BCR: variants seen among roughly 807,000 people sequenced by gnomAD.
The protein encoded by BCR is breakpoint cluster region protein.
Under a neutral mutation model 138.6 loss-of-function variants are expected in BCR, and 58 were observed. The ratio of observed to expected loss-of-function variants is 0.42; its 90% CI spans 0.34 to 0.52. BCR has a LOEUF of 0.52. Ranked by LOEUF, BCR falls within the 20% of genes least tolerant of loss-of-function variation. The pLI is 0.06. For synonymous variants in BCR, 786 were observed against 730.1 expected (o/e 1.08, Z -1.23); for missense variants, 1,599 against 1,727.2 (o/e 0.93, Z 1.32).
intron 1 of BCR, among the ~76,000 whole-genome samples, chr22:23,215,937 A>G (rs2072746800): frequency 6.6e-6 from 1 of 152,162 alleles, no homozygotes; most frequent in Non-Finnish European, 1.5e-5. Context: ...AACATGGGTC[A>G]TTTTCTAGAA....
intron 14 of BCR, among the ~76,000 whole-genome samples, chr22:23,291,984 C>T (rs868388675): frequency 1.1e-4 from 17 of 152,188 alleles, no homozygotes; most frequent in African/African-American, 4.1e-4. Flanking sequence ...CAACTTACCG[C>T]CCACAGCCCA....
At chr22:23,215,676 A>G (rs116593140) in intron 1 of BCR, among the ~76,000 whole-genome samples, 164 of 152,312 alleles carry the variant, frequency 1.1e-3, no homozygotes, top group African/African-American at 3.6e-3. Flanking sequence ...ACAGTCAGTG[A>G]TGAAGGCAGA....
intron 16 of BCR, among the ~76,000 whole-genome samples, chr22:23,307,270 G>GA (rs760925673): frequency 2.1e-5 from 3 of 145,546 alleles, no homozygotes; most frequent in Non-Finnish European, 3.1e-5. Context: ...TAATGCTTTT[G>GA]AAAATTTTTT....
At chr22:23,269,535 G>A (rs1195463839) in intron 5 of BCR, among the ~76,000 whole-genome samples, 2 of 152,170 alleles carry the variant, frequency 1.3e-5, no homozygotes, top group African/African-American at 4.8e-5. Flanking sequence ...GTTTATCACC[G>A]GATGGAGCAT....
chr22:23,271,731 T>A, intron 6 of BCR, 139 bp downstream of exon 6: 1 of 800,060 alleles, frequency 1.2e-6, no homozygotes, highest in Non-Finnish European at 2.0e-6. Context: ...TCAGATAGAG[T>A]GGGCACGAGG....
chr22:23,189,789 C>T (rs1007433192), intron 1 of BCR, among the ~76,000 whole-genome samples: 7 of 152,022 alleles, frequency 4.6e-5, no homozygotes, highest in African/African-American at 1.7e-4. Context: ...CATGAGCCAC[C>T]GCTCCTAGCC....
At position 23,186,627 on chromosome 22, in the gene BCR, A is replaced by G. The variant is rs60335594; in HGVS notation, c.1279+4388A>G. Among the ~76,000 whole-genome samples the G allele has an allele frequency of 2.0e-3, 307 of 152,310 alleles. 1 individual carries two copies. The highest frequency in any genetic ancestry group is 4.9e-3 in the African/African-American group (204 of 41,564). ...TCAGCTATTATAGATACCTCATGTAAGTCCAGTCCTGTGGCATTCGTCTTT... is the reference window on the plus strand; with the variant it reads ...TCAGCTATTATAGATACCTCATGTAGGTCCAGTCCTGTGGCATTCGTCTTT... On this transcript the variant is annotated intron_variant, in intron 1 of 22. Coordinates refer to ENST00000305877, the MANE Select transcript of BCR (RefSeq NM_004327.4).
Position 23,292,566 on chromosome 22 carries a change from T to G in BCR, c.2808T>G (p.Asp936Glu), listed in dbSNP as rs181534426. The G allele has an allele frequency of 5.0e-5, 80 of 1,613,458 alleles. No individual in the cohort carries two copies. Among genetic ancestry groups the G allele is most frequent in the Non-Finnish European group, 6.5e-5 (77 of 1,179,634 alleles). The stretch of plus-strand genomic sequence containing the variant: ...ATCTGTACTGCACCCTGGAGGTGGA[T>G]TCCTTTGGGTATTTTGTGAATAAAG... Reference protein sequence around the residue: ...SSNLYCTLEVDSFGYFVNKAK... With the variant: ...SSNLYCTLEVESFGYFVNKAK... Residue 936 changes from aspartate to glutamate, a missense_variant, in exon 15 of 23, where the codon GAT becomes GAG. Asp to Glu is a conservative substitution (Grantham distance 45). Transcript: ENST00000305877.
chr22:23,304,438 T>G (rs1394220790), intron 16 of BCR, among the ~76,000 whole-genome samples: 1 of 152,228 alleles, frequency 6.6e-6, no homozygotes, highest in Non-Finnish European at 1.5e-5. Context: ...ATAATAATTT[T>G]CCATTGCATA....
At chr22:23,247,766 C>CAGAAG (rs2146261774) in intron 1 of BCR, among the ~76,000 whole-genome samples, 1 of 152,346 alleles carries the variant, frequency 6.6e-6, no homozygotes, top group East Asian at 1.9e-4. Context: ...CCTTCTGTCT[C>CAGAAG]TATGAATCTG....
chr22:23,250,699 C>G lies in BCR; in HGVS notation c.1280-3100C>G, dbSNP rs1295694807. 2.0e-5 allele frequency among the ~76,000 whole-genome samples: 3 copies of G among 152,168 alleles called. No homozygotes were observed. In the South Asian group the frequency reaches 6.2e-4, roughly 32 times the overall value. ...TAATAGTGACAGTAGCATTTTAGAG[C>G]TAGAGGGTCTTTATCCATTGTCTAG... On this transcript the variant is annotated intron_variant, in intron 1 of 22. Coordinates refer to ENST00000305877, the MANE Select transcript of BCR (RefSeq NM_004327.4).
chr22:23,295,689 C>T (rs1473612636), intron 16 of BCR, among the ~76,000 whole-genome samples: 1 of 152,128 alleles, frequency 6.6e-6, no homozygotes, highest in African/African-American at 2.4e-5. Context: ...CAGGTGAGAC[C>T]GAGAATGTGT....
chr22:23,290,391 C>A lies in BCR; in HGVS notation c.2760C>A (p.Ala920=). 6.2e-7 allele frequency: 1 copy of A among 1,614,136 alleles called. No individual in the cohort carries two copies. The highest frequency in any genetic ancestry group is 1.7e-5 in the Admixed American group (1 of 60,026). ...YGFLNVIVHS[A]TGFKQSSNLY... ...TTCTGAATGTCATCGTCCACTCAGC[C>A]ACTGGATTTAAGCAGAGTTCAAGTA... Residue 920 remains alanine (A), a synonymous_variant, in exon 14 of 23, where the codon GCC becomes GCA. Coordinates refer to ENST00000305877, the MANE Select transcript of BCR (RefSeq NM_004327.4).
intron 8 of BCR, among the ~76,000 whole-genome samples, chr22:23,277,116 G>A (rs1319097206): frequency 6.6e-6 from 1 of 152,242 alleles, no homozygotes; most frequent in Non-Finnish European, 1.5e-5. Flanking sequence ...TTGCAGCCAG[G>A]GGCAGGGCCT....
intron 1 of BCR, among the ~76,000 whole-genome samples, chr22:23,221,385 C>T (rs1378015314): frequency 2.6e-5 from 4 of 152,224 alleles, no homozygotes; most frequent in Non-Finnish European, 5.9e-5. Context: ...TCTCTCCCCT[C>T]CCTCCTTCAC....
intron 16 of BCR, among the ~76,000 whole-genome samples, chr22:23,298,479 G>C (rs1401349813): frequency 1.3e-5 from 2 of 152,232 alleles, no homozygotes; most frequent in Non-Finnish European, 2.9e-5. Context: ...TGACCTGGGT[G>C]AATTACTGTC....
intron 8 of BCR, among the ~76,000 whole-genome samples, chr22:23,281,481 C>T (rs2073644235): frequency 6.6e-6 from 1 of 152,262 alleles, no homozygotes; most frequent in Non-Finnish European, 1.5e-5. Flanking sequence ...CTGAGCGCTT[C>T]CGAGAGGGAC....
At chr22:23,314,100 A>C (rs202165139) in intron 21 of BCR, 27 bp downstream of exon 21, 2 of 1,574,760 alleles carry the variant, frequency 1.3e-6, no homozygotes, top group Non-Finnish European at 8.7e-7. Flanking sequence ...ATGGCAGCCC[A>C]GGGCTCCAGG....
intron 4 of BCR, chr22:23,263,639 A>G (rs2073399483): frequency 6.7e-7 from 1 of 1,484,546 alleles, no homozygotes. Flanking sequence ...GCCACCTCGC[A>G]TATTGTCAGT....
Sources: allele counts gnomAD v4.1 joint callset (sites outside exome capture counted in the v4.1 genomes callset), GRCh38; gene constraint gnomAD v4.1.1; transcripts MANE v1.5; gene names NCBI Gene and HGNC (gene_info 2026-07-23, HGNC 2026-07-21).